Variants in KAT6B observed in about 807,000 individuals in gnomAD.
KAT6B encodes the protein histone acetyltransferase KAT6B.
In KAT6B, 10 loss-of-function variants were observed where a neutral mutation model predicts 187.5. The ratio of observed to expected loss-of-function variants is 0.05; its 90% CI spans 0.03 to 0.09. KAT6B has a LOEUF of 0.09. Ranked by LOEUF, KAT6B falls within the 10% of genes least tolerant of loss-of-function variation. The pLI is 1.00. For synonymous variants in KAT6B, 861 were observed against 926.8 expected, an observed-to-expected ratio of 0.93 and a Z score of 1.29; for missense variants, 1,952 against 2,558.9, an observed-to-expected ratio of 0.76 and a Z score of 5.12.
intron 1 of KAT6B, among the ~76,000 whole-genome samples, chr10:74,833,557 AT>A (rs1287265633): frequency 6.6e-6 from 1 of 152,194 alleles, no homozygotes; most frequent in African/African-American, 2.4e-5. Context: ...GTCTCTACTA[AT>A]TTATGATGAT....
At position 74,938,028 on chromosome 10, in the gene KAT6B, TTCAAACTCCTGGGC is replaced by T. The variant is rs1849385934; in HGVS notation, c.622-21937_622-21924del. On this transcript the variant is annotated intron_variant, in intron 3 of 17. Coordinates refer to ENST00000287239, the MANE Select transcript of KAT6B (RefSeq NM_012330.4). ...TGGCAAGATCATAGCTCACTGTAAC[TTCAAACTCCTGGGC>T]TCAAGCCATCCTCCCTCCTCAGCCT... is the stretch of plus-strand genomic sequence containing the variant. Among the ~76,000 whole-genome samples, 4 of 152,310 alleles carry T rather than the reference TTCAAACTCCTGGGC, an allele frequency of 2.6e-5. No homozygotes were observed. In the South Asian group the frequency reaches 8.3e-4, roughly 32 times the overall value.
In KAT6B at chr10:74,923,600, A is replaced by C. The variant is rs764231688; in HGVS notation, c.622-36370A>C. ...AGGGAAGTGAGGGAGCATTCCAGGC[A>C]TGGAGAAGGAGTGTTCTAGATGGAG... On this transcript the variant is annotated intron_variant, in intron 3 of 17. Coordinates refer to ENST00000287239, the MANE Select transcript of KAT6B (RefSeq NM_012330.4). Among the ~76,000 whole-genome samples, 14 of 152,226 alleles carry C rather than the reference A, an allele frequency of 9.2e-5. 1 individual carries two copies. The highest frequency in any genetic ancestry group is 5.9e-4 in the Admixed American group (9 of 15,278).
chr10:74,862,097 A>G (rs539964496), intron 3 of KAT6B, among the ~76,000 whole-genome samples: 1 of 152,230 alleles, frequency 6.6e-6, no homozygotes, highest in South Asian at 2.1e-4. Context: ...AAGGGAAACC[A>G]TTGATTAATT....
At chr10:74,845,533 A>C (rs960626376) in intron 3 of KAT6B, among the ~76,000 whole-genome samples, 3 of 149,416 alleles carry the variant, frequency 2.0e-5, no homozygotes, top group East Asian at 3.9e-4. Flanking sequence ...AAAAAAAAAA[A>C]AAAAACAAAA....
rs1207394388 is a variant in KAT6B at position 74,914,895 on chromosome 10, C to T, written c.622-45075C>T. 4.3e-4 allele frequency among the ~76,000 whole-genome samples: 65 copies of T among 151,862 alleles called. 1 individual carries two copies. The highest frequency in any genetic ancestry group is 8.8e-5 in the Non-Finnish European group (6 of 67,968). On this transcript the variant is annotated intron_variant, in intron 3 of 17. Transcript: ENST00000287239. ...TCACTGGAGGCCAGGAGTTTGAGAC[C>T]AGTCTGGGCAACACAGGCACTCCAT...
chr10:74,900,401 C>T (rs1589580454), intron 3 of KAT6B, among the ~76,000 whole-genome samples: 2 of 152,222 alleles, frequency 1.3e-5, no homozygotes, highest in African/African-American at 2.4e-5. Flanking sequence ...TGTTTTTGTA[C>T]ATCTTGAGCT....
At chr10:74,976,662 C>T (rs1251405004) in intron 8 of KAT6B, 1 of 394,962 alleles carries the variant, frequency 2.5e-6, no homozygotes, top group Admixed American at 3.8e-5. Flanking sequence ...GCCATGCTCT[C>T]CCCCATGTCA....
rs1354440438 is a variant in KAT6B, at chr10:74,981,373, CCTTT to C, written c.2232-405_2232-402del. 4.0e-5 allele frequency among the ~76,000 whole-genome samples: 6 copies of C among 148,480 alleles called. No homozygotes were observed. The South Asian group carries it at 1.1e-3, about 26-fold the overall frequency. ...TTTCTTTCCTTTCTTTCCTTTCTTT[CCTTT>C]CTTTCTTTATTTTTTTGACGGTGTC... On this transcript the variant is annotated intron_variant, in intron 10 of 17. Coordinates refer to ENST00000287239, the MANE Select transcript of KAT6B (RefSeq NM_012330.4).
rs1446990144 is a variant in KAT6B at position 74,991,442 on chromosome 10, AACAAAT to A, written c.2629+2334_2629+2339del. ...TTCTACATAAGAGAACAATCTGGGT[AACAAAT>A]ACATTATCTTCAAATGCTATGTCTT... On this transcript the variant is annotated intron_variant, in intron 13 of 17. Transcript: ENST00000287239. Among the ~76,000 whole-genome samples, 55 of 152,360 alleles carry A rather than the reference AACAAAT, an allele frequency of 3.6e-4. No individual in the cohort carries two copies. The Middle Eastern group carries it at 0.014, about 38-fold the overall frequency.
chr10:74,899,925 C>T (rs1415296016), intron 3 of KAT6B, among the ~76,000 whole-genome samples: 8 of 152,096 alleles, frequency 5.3e-5, no homozygotes, highest in African/African-American at 1.9e-4. Flanking sequence ...AAATCAATTA[C>T]ACATGAAACA....
At chr10:75,003,613 G>A (rs1844004891) in intron 13 of KAT6B, among the ~76,000 whole-genome samples, 1 of 152,046 alleles carries the variant, frequency 6.6e-6, no homozygotes, top group South Asian at 2.1e-4. Context: ...ATTTTAATAG[G>A]ATTCTAGTCT....
intron 3 of KAT6B, among the ~76,000 whole-genome samples, chr10:74,869,693 C>G (rs759522283): frequency 2.6e-5 from 4 of 152,100 alleles, no homozygotes; most frequent in Non-Finnish European, 5.9e-5. Context: ...TTCTTATTAG[C>G]CTTTATTATA....
intron 16 of KAT6B, chr10:75,023,887 A>G (rs1448068241): frequency 6.6e-6 from 1 of 152,154 alleles, no homozygotes; most frequent in African/African-American, 2.4e-5. Context: ...TAATAATTGA[A>G]TACAGTTTAC....
At chr10:74,891,752 A>G (rs2132646049) in intron 3 of KAT6B, among the ~76,000 whole-genome samples, 1 of 152,262 alleles carries the variant, frequency 6.6e-6, no homozygotes, top group African/African-American at 2.4e-5. Flanking sequence ...GCTTTTATAA[A>G]TTATTTTTTA....
At chr10:74,875,825 T>C (rs1179402113) in intron 3 of KAT6B, among the ~76,000 whole-genome samples, 3 of 152,328 alleles carry the variant, frequency 2.0e-5, no homozygotes, top group East Asian at 3.9e-4. Flanking sequence ...CATCCTTCTT[T>C]CCTTTCAAGG....
intron 13 of KAT6B, among the ~76,000 whole-genome samples, chr10:74,991,813 T>C (rs886607410): frequency 8.5e-5 from 13 of 152,244 alleles, no homozygotes; most frequent in African/African-American, 2.9e-4. Context: ...AGAAATTCAG[T>C]TTAAAACCAA....
chr10:74,928,424 G>T (rs1203823783), intron 3 of KAT6B, among the ~76,000 whole-genome samples: 1 of 152,174 alleles, frequency 6.6e-6, no homozygotes. Flanking sequence ...AGATATTTTG[G>T]GTGGTAATCA....
intron 3 of KAT6B, among the ~76,000 whole-genome samples, chr10:74,883,995 A>G (rs1845051984): frequency 1.3e-5 from 2 of 152,108 alleles, no homozygotes; most frequent in Admixed American, 6.6e-5. Context: ...TAACTCCCTT[A>G]TGGTTTGTAT....
intron 3 of KAT6B, among the ~76,000 whole-genome samples, chr10:74,935,304 T>C (rs942230005): frequency 5.3e-5 from 8 of 152,250 alleles, no homozygotes; most frequent in African/African-American, 1.9e-4. Context: ...CACACATCTG[T>C]GTACTCATAT....
Sources: allele counts gnomAD v4.1 joint callset (sites outside exome capture counted in the v4.1 genomes callset), GRCh38; gene constraint gnomAD v4.1.1; transcripts MANE v1.5; gene names NCBI Gene and HGNC (gene_info 2026-07-23, HGNC 2026-07-21).